EFCAB8: variants seen among roughly 807,000 people sequenced by gnomAD.
EFCAB8 encodes EF-hand calcium binding domain 8.
EFCAB8 carries 100 observed loss-of-function variants against 116.3 expected under a neutral mutation model. The observed-to-expected ratio is 0.86, with a 90% confidence interval of 0.73 to 1.02. The LOEUF (loss-of-function observed/expected upper bound fraction) is 1.02, where lower values mean the gene tolerates loss of function less well. Ranked by LOEUF, EFCAB8 falls within the 50% of genes least tolerant of loss-of-function variation. The pLI is 0.00. For missense variants in EFCAB8, 1,320 were observed against 1,416.9 expected, an observed-to-expected ratio of 0.93 and a Z score of 1.10; for synonymous variants, 558 against 567.9, an observed-to-expected ratio of 0.98 and a Z score of 0.25.
At chr20:32,956,563 A>T (rs1988970045) in intron 23 of EFCAB8, among the ~76,000 whole-genome samples, 1 of 152,152 alleles carries the variant, frequency 6.6e-6, no homozygotes, top group Non-Finnish European at 1.5e-5. Context: ...TGGGTATAGA[A>T]TTCTCAGCTG....
chr20:32,925,845 G>A (rs950249426), intron 20 of EFCAB8, among the ~76,000 whole-genome samples: 1 of 152,204 alleles, frequency 6.6e-6, no homozygotes, highest in African/African-American at 2.4e-5. Context: ...GGGATTCCTG[G>A]GCTGAGTGAG....
intron 25 of EFCAB8, 21 bp downstream of exon 25, chr20:32,960,003 C>G: frequency 6.4e-7 from 1 of 1,551,408 alleles, no homozygotes; most frequent in East Asian, 2.4e-5. Context: ...GAGGGGAGCA[C>G]AGGGAGGAGT....
chr20:32,894,682 T>G (rs1986075345), intron 9 of EFCAB8, among the ~76,000 whole-genome samples: 2 of 152,214 alleles, frequency 1.3e-5, no homozygotes, highest in Admixed American at 6.5e-5. Flanking sequence ...AACCTTTCTG[T>G]GCCTCAGTTC....
chr20:32,920,325 C>T (rs62207466), intron 20 of EFCAB8, 110 bp downstream of exon 20: 1 of 1,411,170 alleles, frequency 7.1e-7, no homozygotes, highest in African/African-American at 1.4e-5. Context: ...GCCTGATTCT[C>T]CCCAGTGCCC....
chr20:32,957,002 C>T (rs764392175), intron 23 of EFCAB8, among the ~76,000 whole-genome samples: 6 of 148,432 alleles, frequency 4.0e-5, no homozygotes, highest in Non-Finnish European at 8.9e-5. Flanking sequence ...TTTTGCTGAC[C>T]TGCCTTCCAG....
At chr20:32,867,781 A>C in intron 3 of EFCAB8, 34 bp downstream of exon 3, 1 of 1,545,484 alleles carries the variant, frequency 6.5e-7, no homozygotes, top group Non-Finnish European at 8.7e-7. Flanking sequence ...TTTTTGTGTG[A>C]GTTCTGCAAC....
At chr20:32,940,200 A>G (rs1362819189) in intron 22 of EFCAB8, among the ~76,000 whole-genome samples, 2 of 149,344 alleles carry the variant, frequency 1.3e-5, no homozygotes, top group East Asian at 3.9e-4. Flanking sequence ...TAATCAAGAC[A>G]ATGTGATACT....
intron 6 of EFCAB8, among the ~76,000 whole-genome samples, chr20:32,886,121 A>G (rs767293758): frequency 1.3e-5 from 2 of 152,142 alleles, no homozygotes; most frequent in Non-Finnish European, 2.9e-5. Context: ...TAACTGTACC[A>G]CCTGCAAGCT....
rs574188862 is a variant in EFCAB8 at position 32,875,710 on chromosome 20, T to G, written c.209-216T>G. Among the ~76,000 whole-genome samples, 3 of 151,972 alleles carry G rather than the reference T, an allele frequency of 2.0e-5. No homozygotes were observed. In the South Asian group the frequency reaches 6.2e-4, roughly 32 times the overall value. ...TTTTAGTAGAGACAGGGTTTCACCA[T>G]GTGGATCAGGCTGGTCTTGAACTCC... On this transcript the variant is annotated intron_variant, in intron 3 of 26. Coordinates refer to ENST00000400522, the MANE Select transcript of EFCAB8 (RefSeq NM_001143967.2).
intron 20 of EFCAB8, among the ~76,000 whole-genome samples, chr20:32,923,213 C>T (rs1054658725): frequency 5.3e-5 from 8 of 150,938 alleles, no homozygotes; most frequent in Admixed American, 2.0e-4. Context: ...TGGCCCAGTG[C>T]GATGGCTCAC....
intron 23 of EFCAB8, among the ~76,000 whole-genome samples, chr20:32,949,721 A>G (rs8115664): frequency 0.69 from 104,352 of 152,246 alleles, 36,586 homozygotes; most frequent in African/African-American, 0.78. Context: ...AAAATGGGCC[A>G]TGCATGATGG....
chr20:32,865,178 G>T (rs915829436), intron 2 of EFCAB8, among the ~76,000 whole-genome samples: 16 of 152,160 alleles, frequency 1.1e-4, no homozygotes, highest in African/African-American at 3.9e-4. Flanking sequence ...ACAAAGACCT[G>T]GGAATATGGA....
At chr20:32,958,699 A>G in intron 24 of EFCAB8, 149 bp downstream of exon 24, 1 of 394,606 alleles carries the variant, frequency 2.5e-6, no homozygotes, top group Non-Finnish European at 4.5e-6. Context: ...TGAGGGTTGC[A>G]GGCAGCTCTA....
intron 13 of EFCAB8, 198 bp downstream of exon 13, chr20:32,907,192 G>A (rs1465382218): frequency 4.6e-5 from 42 of 904,824 alleles, no homozygotes; most frequent in Non-Finnish European, 5.6e-5. Flanking sequence ...AGCCCAGCCT[G>A]GCTTCTAACT....
chr20:32,868,933 C>A (rs1371998635), intron 3 of EFCAB8, among the ~76,000 whole-genome samples: 1 of 151,770 alleles, frequency 6.6e-6, no homozygotes. Context: ...TGCAGTGAGC[C>A]AAGGTCATGC....
In EFCAB8 at chr20:32,867,584, G is replaced by A; in HGVS notation, c.45G>A (p.Leu15=). The change falls in exon 3 of 27, where the codon CTG becomes CTA. Residue 15 remains leucine, a splice_region_variant and synonymous_variant. Coordinates refer to ENST00000400522, the MANE Select transcript of EFCAB8 (RefSeq NM_001143967.2). ...DLAEIPQLQK[L]SIPHGFQNKE... is the part of the protein sequence containing the mutation. ...GGTTCTTGTTATATTCGTTCCAGCT[G>A]TCCATCCCACATGGCTTCCAGAACA... 6.4e-7 allele frequency: 1 copy of A among 1,551,424 alleles called. No individual in the cohort carries two copies. The highest frequency in any genetic ancestry group is 8.7e-7 in the Non-Finnish European group (1 of 1,146,900).
At position 32,911,573 on chromosome 20, in the gene EFCAB8, G is replaced by A. The variant is rs1209208239; in HGVS notation, c.1651G>A (p.Val551Met). The A allele has an allele frequency of 1.2e-5, 18 of 1,547,032 alleles. No homozygotes were observed. Among genetic ancestry groups the A allele is most frequent in the Middle Eastern group, 3.3e-4 (2 of 5,996 alleles). Reference sequence around the variant, plus strand: ...GTTTGCTGTGTCTGGGGGCCAGCACGTGGAGATGACCGCCATGGCCCTGGA... The same window carrying A: ...GTTTGCTGTGTCTGGGGGCCAGCACATGGAGATGACCGCCATGGCCCTGGA... ...MEFAVSGGQHVEMTAMALDES... is the reference protein window; with the variant it reads ...MEFAVSGGQHMEMTAMALDES... Residue 551 changes from valine (V) to methionine (M), a missense_variant, in exon 16 of 27, where the codon GTG (valine) becomes ATG (methionine). Coordinates refer to ENST00000400522, the MANE Select transcript of EFCAB8 (RefSeq NM_001143967.2).
chr20:32,884,254 C>G (rs186268705), intron 5 of EFCAB8, among the ~76,000 whole-genome samples: 1 of 152,186 alleles, frequency 6.6e-6, no homozygotes, highest in Non-Finnish European at 1.5e-5. Flanking sequence ...GAGCCTGGGC[C>G]GGGTGCACCA....
At chr20:32,884,053 T>G (rs954019591) in intron 5 of EFCAB8, among the ~76,000 whole-genome samples, 33 of 152,270 alleles carry the variant, frequency 2.2e-4, no homozygotes, top group African/African-American at 7.2e-4. Context: ...TCTATTTCTT[T>G]GGGCCATTTA....
Sources: gnomAD v4.1 joint callset for allele counts (sites outside exome capture counted in the v4.1 genomes callset) on GRCh38, gnomAD v4.1.1 for gene constraint, MANE v1.5 for transcripts, NCBI Gene and HGNC (gene_info 2026-07-23, HGNC 2026-07-21) for gene names.